The following HDGF variants were observed in gnomAD, a reference collection of about 807,000 sequenced individuals.
The protein encoded by HDGF is hepatoma-derived growth factor.
A neutral mutation model predicts 30.0 loss-of-function variants in HDGF; 5 were observed. The observed-to-expected ratio is 0.17, with a 90% CI of 0.09 to 0.35. The LOEUF (loss-of-function observed/expected upper bound fraction) is 0.35. Ranked by LOEUF, HDGF falls within the 10% of genes least tolerant of loss-of-function variation. The pLI is 1.00. For missense variants in HDGF, 214 were observed against 302.8 expected (o/e 0.71, Z 2.18); for synonymous variants, 133 against 112.7 (o/e 1.18, Z -1.14).
intron 1 of HDGF, among the ~76,000 whole-genome samples, chr1:156,759,479 C>CT (rs540212944): frequency 0.023 from 2,872 of 124,570 alleles, 143 homozygotes; most frequent in African/African-American, 0.067. Context: ...ATACCCCATT[C>CT]TTTTTTTTTT....
At chr1:156,753,377 T>C (rs1327976871), upstream of HDGF, among the ~76,000 whole-genome samples, 2 of 152,184 alleles carry the variant, frequency 1.3e-5, no homozygotes, top group East Asian at 1.9e-4. Flanking sequence ...TAGGTTCTAG[T>C]TGGTGTTTAC....
At chr1:156,745,919 T>C (rs562383545) in intron 1 of HDGF, among the ~76,000 whole-genome samples, 3 of 152,362 alleles carry the variant, frequency 2.0e-5, no homozygotes, top group Non-Finnish European at 4.4e-5. Flanking sequence ...GTCATAGTAC[T>C]AAAGCTATAG....
At position 156,758,599 on chromosome 1, in the gene HDGF, A is replaced by AT. The variant is rs1558039718; in HGVS notation, n.373+383_373+384insA. Among the ~76,000 whole-genome samples the AT allele has an allele frequency of 9.4e-5, 8 of 85,236 alleles. 1 individual carries two copies. The highest frequency in any genetic ancestry group is 3.8e-4 in the African/African-American group (8 of 21,222). The allele number at this position is 85,236 out of a possible 152,430, so 55.9% of individuals were successfully genotyped here. On this transcript the variant is annotated intron_variant and non_coding_transcript_variant, in intron 2 of 7. Transcript: ENST00000465180. The stretch of plus-strand genomic sequence containing the variant: ...CAGAGCGAGACTCCGTCTCAAAAAA[A>AT]AAAATAAATAAATAAATAAATAAAA...
In HDGF at chr1:156,744,192, A is replaced by G. The variant is rs2102700088; in HGVS notation, c.460T>C (p.Leu154=). 1.2e-6 allele frequency: 2 copies of G among 1,613,792 alleles called. No homozygotes were observed. The highest frequency in any genetic ancestry group is 2.2e-5 in the South Asian group (2 of 91,072). The change falls in exon 4 of 6, where the codon TTG becomes CTG. Residue 154 remains leucine, a synonymous_variant. Transcript: ENST00000357325. ...PAKEKNEKGA[L]KRRAGDLLED... is the part of the protein sequence containing the mutation. ...AGCAAGTCCCCTGCTCTCCTCTTCA[A>G]CGCTCCTTTCTCGTTCTTCTCCTTG...
At chr1:156,760,644 C>T (rs959954550) in intron 1 of HDGF, among the ~76,000 whole-genome samples, 1 of 152,074 alleles carries the variant, frequency 6.6e-6, no homozygotes, top group African/African-American at 2.4e-5. Context: ...GGGAGGAGTA[C>T]TGAAGATGAC....
At chr1:156,746,038 T>C (rs1650519928) in intron 1 of HDGF, among the ~76,000 whole-genome samples, 1 of 152,194 alleles carries the variant, frequency 6.6e-6, no homozygotes, top group Non-Finnish European at 1.5e-5. Flanking sequence ...CCATGGTTCT[T>C]GCAGTCTCTA....
intron 1 of HDGF, among the ~76,000 whole-genome samples, chr1:156,761,855 G>A (rs1326033043): frequency 2.0e-5 from 3 of 148,272 alleles, no homozygotes; most frequent in African/African-American, 5.0e-5. Context: ...GCTGAGGCAG[G>A]AGAATCACTT....
chr1:156,761,334 C>A (rs959618211), intron 1 of HDGF, among the ~76,000 whole-genome samples: 2 of 149,156 alleles, frequency 1.3e-5, no homozygotes, highest in African/African-American at 5.0e-5. Flanking sequence ...TAAGGCCGGG[C>A]GCAGTAGCTC....
At chr1:156,764,700 C>G (rs573286187) in intron 1 of HDGF, among the ~76,000 whole-genome samples, 44 of 151,958 alleles carry the variant, frequency 2.9e-4, no homozygotes, top group Non-Finnish European at 5.6e-4. Context: ...GTCTGGCCAA[C>G]ATGGTGAAAC....
At chr1:156,747,842 A>C (rs1358965913) in intron 1 of HDGF, among the ~76,000 whole-genome samples, 1 of 152,202 alleles carries the variant, frequency 6.6e-6, no homozygotes, top group African/African-American at 2.4e-5. Flanking sequence ...CACAGACTGC[A>C]AAGTGGCTAC....
upstream of HDGF, chr1:156,752,151 C>G: frequency 1.3e-6 from 2 of 1,551,640 alleles, no homozygotes; most frequent in Non-Finnish European, 1.7e-6. Flanking sequence ...TGGCAGCGTG[C>G]TAGGCGCCGA....
chr1:156,758,387 C>T (rs1368160604), intron 2 of HDGF, among the ~76,000 whole-genome samples: 1 of 151,676 alleles, frequency 6.6e-6, no homozygotes, highest in African/African-American at 2.4e-5. Flanking sequence ...GTCAGGAGAT[C>T]GAGACCATCC....
chr1:156,761,113 G>A (rs1307531076), intron 1 of HDGF, among the ~76,000 whole-genome samples: 1 of 151,632 alleles, frequency 6.6e-6, no homozygotes, highest in Admixed American at 6.6e-5. Context: ...ACGGGTTCGA[G>A]ACCAGCCTGG....
chr1:156,751,663 T>G lies in HDGF; in HGVS notation c.-234A>C. On this transcript the variant is annotated 5_prime_UTR_variant, in exon 1 of 6. Coordinates refer to ENST00000357325, the MANE Select transcript of HDGF (RefSeq NM_004494.3). The surrounding 1 kb of genome is among the most constrained non-coding windows in gnomAD (Gnocchi z 4.7). Reference sequence around the variant, plus strand: ...GCGCGGTGGGTGCGCGCTCGTGCAGTTGTTTGTGTTTGAAATTCAATTGCT... The same window carrying G: ...GCGCGGTGGGTGCGCGCTCGTGCAGGTGTTTGTGTTTGAAATTCAATTGCT... 1 of 1,040,992 alleles carries G rather than the reference T, an allele frequency of 9.6e-7. No homozygotes were observed. Among genetic ancestry groups the G allele is most frequent in the East Asian group, 9.3e-5 (1 of 10,752 alleles). 64.5% of individuals were successfully genotyped at this position (1,040,992 alleles called of 1,614,324 possible).
chr1:156,753,703 A>G (rs1290287193), upstream of HDGF, among the ~76,000 whole-genome samples: 1 of 151,346 alleles, frequency 6.6e-6, no homozygotes, highest in Non-Finnish European at 1.5e-5. Context: ...GGTGTGTGCC[A>G]CCACGCCCGG....
chr1:156,763,725 A>G (rs1651299607), intron 1 of HDGF, among the ~76,000 whole-genome samples: 1 of 150,098 alleles, frequency 6.7e-6, no homozygotes, highest in Non-Finnish European at 1.5e-5. Context: ...AGCTGGGACT[A>G]CAGGTGCACG....
upstream of HDGF, chr1:156,766,953 G>A (rs1484479199): frequency 2.0e-5 from 3 of 152,242 alleles, no homozygotes; most frequent in Admixed American, 6.5e-5. Context: ...TCAACTCTTA[G>A]ATGCTTATTA....
chr1:156,744,986 T>G, intron 3 of HDGF, 22 bp downstream of exon 3: 1 of 1,613,576 alleles, frequency 6.2e-7, no homozygotes, highest in Non-Finnish European at 8.5e-7. Flanking sequence ...CCAGGGGGTC[T>G]CTGGGGCAGG....
chr1:156,742,922 G>A lies in HDGF; in HGVS notation c.*527C>T, dbSNP rs1650228532. The A allele has an allele frequency of 6.5e-6, 1 of 154,878 alleles. No individual in the cohort carries two copies. Among genetic ancestry groups the A allele is most frequent in the Admixed American group, 6.5e-5 (1 of 15,308 alleles). The allele number at this position is 154,878 out of a possible 1,614,324, so 9.6% of individuals were successfully genotyped here. ...GTCCCACTTTCCCTGAATCTAGGCA[G>A]CTGGGATAATAGGTGTAGCAGGGGA... On this transcript the variant is annotated 3_prime_UTR_variant, in exon 6 of 6. Coordinates refer to ENST00000357325, the MANE Select transcript of HDGF (RefSeq NM_004494.3).
Sources: gnomAD v4.1 joint callset for allele counts (sites outside exome capture counted in the v4.1 genomes callset) on GRCh38, gnomAD v4.1.1 for gene constraint, Gnocchi (gnomAD v3.1) non-coding constraint, MANE v1.5 for transcripts, NCBI Gene and HGNC (gene_info 2026-07-23, HGNC 2026-07-21) for gene names.